ATRNL1: variants seen among roughly 807,000 people sequenced by gnomAD.
The protein encoded by ATRNL1 is attractin like 1.
In ATRNL1, 95 loss-of-function variants were observed where a neutral mutation model predicts 182.7. That is an observed-to-expected ratio of 0.52 (90% CI 0.44 to 0.62). The LOEUF is 0.62. Ranked by LOEUF, ATRNL1 falls within the 20% of genes least tolerant of loss-of-function variation. ATRNL1 has a pLI of 0.00. For synonymous variants in ATRNL1, 576 were observed against 568.3 expected (o/e 1.01, Z -0.19); for missense variants, 1,471 against 1,679.5 (o/e 0.88, Z 2.17).
Position 115,806,115 on chromosome 10 carries a change from T to G in ATRNL1, c.3904-41762T>G, listed in dbSNP as rs538015242. On this transcript the variant is annotated intron_variant, in intron 27 of 28. Coordinates refer to ENST00000355044, the MANE Select transcript of ATRNL1 (RefSeq NM_207303.4). ...GTGCCTAACTGCCTTTAAAAGAACT[T>G]ACTTAAACTTCAGTAATTTATTTCT... 1.4e-3 allele frequency among the ~76,000 whole-genome samples: 211 copies of G among 152,316 alleles called. No individual in the cohort carries two copies. In the Middle Eastern group the frequency reaches 0.017, roughly 12 times the overall value.
intron 19 of ATRNL1, among the ~76,000 whole-genome samples, chr10:115,341,537 G>T (rs1554938338): frequency 6.6e-6 from 1 of 152,072 alleles, no homozygotes; most frequent in African/African-American, 2.4e-5. Context: ...GGTCTATAGT[G>T]CAGATTAAGT....
chr10:115,556,469 G>T (rs923094911), intron 26 of ATRNL1, among the ~76,000 whole-genome samples: 1 of 152,106 alleles, frequency 6.6e-6, no homozygotes, highest in Admixed American at 6.6e-5. Context: ...GAATAATGAA[G>T]TTTATGTCTG....
At chr10:115,850,429 AT>A (rs1224013762) in intron 28 of ATRNL1, among the ~76,000 whole-genome samples, 1 of 152,064 alleles carries the variant, frequency 6.6e-6, no homozygotes, top group East Asian at 1.9e-4. Context: ...CTAAGTGACT[AT>A]TTTTTTCAGT....
intron 26 of ATRNL1, among the ~76,000 whole-genome samples, chr10:115,700,605 T>C (rs1420724921): frequency 6.6e-6 from 1 of 152,168 alleles, no homozygotes. Flanking sequence ...TAGACCTTTA[T>C]TGGCTGCATA....
intron 26 of ATRNL1, among the ~76,000 whole-genome samples, chr10:115,725,618 A>T (rs1046377024): frequency 3.3e-5 from 5 of 152,170 alleles, no homozygotes; most frequent in Admixed American, 3.3e-4. Context: ...CAATTTTCTC[A>T]AGACTTTTTG....
At chr10:115,248,651 G>A (rs186086091) in intron 10 of ATRNL1, among the ~76,000 whole-genome samples, 281 of 151,970 alleles carry the variant, frequency 1.8e-3, no homozygotes, top group African/African-American at 6.5e-3. Flanking sequence ...GAATGCCAGG[G>A]GACAATTCCT....
At chr10:115,226,325 A>G (rs1023410026) in intron 9 of ATRNL1, among the ~76,000 whole-genome samples, 2 of 152,120 alleles carry the variant, frequency 1.3e-5, no homozygotes, top group African/African-American at 4.8e-5. Context: ...AGAGGCAAAT[A>G]TCTTCATATT....
At chr10:115,642,840 A>G (rs534294127) in intron 26 of ATRNL1, among the ~76,000 whole-genome samples, 145 of 152,296 alleles carry the variant, frequency 9.5e-4, no homozygotes, top group African/African-American at 3.2e-3. Context: ...GAAAGAATGA[A>G]GTTGGAGGAT....
At chr10:115,519,428 C>T in intron 25 of ATRNL1, 104 bp downstream of exon 25, 1 of 915,616 alleles carries the variant, frequency 1.1e-6, no homozygotes, top group South Asian at 1.5e-5. Flanking sequence ...CTTAAAGTAT[C>T]ATAGAGTATG....
chr10:115,512,653 A>G (rs140408330), intron 24 of ATRNL1, among the ~76,000 whole-genome samples: 1 of 151,890 alleles, frequency 6.6e-6, no homozygotes, highest in African/African-American at 2.4e-5. Flanking sequence ...AATATGAACA[A>G]GGCTACTGTT....
intron 26 of ATRNL1, among the ~76,000 whole-genome samples, chr10:115,643,263 G>C (rs1555031096): frequency 6.6e-6 from 1 of 151,912 alleles, no homozygotes; most frequent in Admixed American, 6.6e-5. Flanking sequence ...GGAACAATTG[G>C]GTATAAATAT....
chr10:115,464,889 C>T (rs1242025591), intron 22 of ATRNL1, among the ~76,000 whole-genome samples: 5 of 151,628 alleles, frequency 3.3e-5, no homozygotes, highest in African/African-American at 9.7e-5. Flanking sequence ...AGTTCCCAGT[C>T]CTCTGGGTGA....
intron 19 of ATRNL1, among the ~76,000 whole-genome samples, chr10:115,389,210 CT>C (rs1843834678): frequency 6.6e-6 from 1 of 151,760 alleles, no homozygotes; most frequent in South Asian, 2.1e-4. Context: ...TTCATCTTGT[CT>C]TTTTAAAAGC....
chr10:115,617,814 A>G (rs74521453), intron 26 of ATRNL1, among the ~76,000 whole-genome samples: 3,483 of 152,320 alleles, frequency 0.023, 123 homozygotes, highest in African/African-American at 0.079. Flanking sequence ...TGAGAAGGAC[A>G]TAAGATTTGG....
chr10:115,139,769 G>GC (rs1845683221), intron 5 of ATRNL1, among the ~76,000 whole-genome samples: 1 of 152,144 alleles, frequency 6.6e-6, no homozygotes, highest in South Asian at 2.1e-4. Flanking sequence ...CTGATAAATG[G>GC]CAACAACTAT....
chr10:115,191,193 C>T (rs1348874118), intron 8 of ATRNL1, among the ~76,000 whole-genome samples: 2 of 152,100 alleles, frequency 1.3e-5, no homozygotes, highest in Non-Finnish European at 2.9e-5. Flanking sequence ...ACGCAGATAT[C>T]TCTTTGATAT....
At chr10:115,596,407 G>A (rs1326116166) in intron 26 of ATRNL1, among the ~76,000 whole-genome samples, 3 of 152,126 alleles carry the variant, frequency 2.0e-5, no homozygotes, top group Admixed American at 6.5e-5. Context: ...CGCCCGGCCC[G>A]TCATTATTCT....
At chr10:115,567,325 A>G (rs1296243258) in intron 26 of ATRNL1, among the ~76,000 whole-genome samples, 1 of 152,140 alleles carries the variant, frequency 6.6e-6, no homozygotes, top group Non-Finnish European at 1.5e-5. Flanking sequence ...TATGTGTGGT[A>G]AAGTGAACTA....
At chr10:115,394,335 C>A (rs938069353) in intron 19 of ATRNL1, among the ~76,000 whole-genome samples, 1 of 151,928 alleles carries the variant, frequency 6.6e-6, no homozygotes, top group Admixed American at 6.6e-5. Flanking sequence ...AAAGCTCTGG[C>A]ACTAACGCTT....
Sources: gnomAD v4.1 joint callset for allele counts (sites outside exome capture counted in the v4.1 genomes callset) on GRCh38, gnomAD v4.1.1 for gene constraint, MANE v1.5 for transcripts, NCBI Gene and HGNC (gene_info 2026-07-23, HGNC 2026-07-21) for gene names.